Variants in DPP6 observed in about 807,000 individuals in gnomAD.
DPP6 encodes A-type potassium channel modulatory protein DPP6.
DPP6 carries 69 observed loss-of-function variants against 122.6 expected under a neutral mutation model. The observed-to-expected ratio is 0.56, with a 90% CI of 0.46 to 0.69. The LOEUF (loss-of-function observed/expected upper bound fraction) is 0.69, where lower values mean the gene tolerates loss of function less well. Ranked by LOEUF, DPP6 falls within the 30% of genes least tolerant of loss-of-function variation. The probability of loss-of-function intolerance (pLI) is 0.00; values close to 1 mark genes in which losing one functional copy is unlikely to be tolerated. For synonymous variants in DPP6, 418 were observed against 433.1 expected (o/e 0.97, Z 0.43); for missense variants, 928 against 1,116.9 (o/e 0.83, Z 2.41).
chr7:154,593,001 G>A (rs1228228873), intron 5 of DPP6, among the ~76,000 whole-genome samples: 2 of 152,114 alleles, frequency 1.3e-5, no homozygotes, highest in Non-Finnish European at 2.9e-5. Context: ...CCCAGGCTGC[G>A]GGCCGGAGCT....
intron 1 of DPP6, among the ~76,000 whole-genome samples, chr7:154,079,688 G>A (rs1363178779): frequency 2.6e-5 from 4 of 152,024 alleles, no homozygotes; most frequent in African/African-American, 9.7e-5. Context: ...ATTGGGCTGG[G>A]GTTAGGAGAC....
intron 1 of DPP6, among the ~76,000 whole-genome samples, chr7:154,313,381 T>C (rs914715666): frequency 3.3e-5 from 5 of 151,952 alleles, no homozygotes; most frequent in Non-Finnish European, 5.9e-5. Context: ...GATATGAAAG[T>C]GTTTTGAAAG....
chr7:153,787,824 T>C, the DPP6 span, among the ~76,000 whole-genome samples: 11 of 118,198 alleles, frequency 9.3e-5, no homozygotes, highest in East Asian at 3.0e-3. Flanking sequence ...ATTTTAATAG[T>C]GATTTACAAT....
intron 2 of DPP6, among the ~76,000 whole-genome samples, chr7:154,447,235 G>A (rs1586298642): frequency 6.6e-6 from 1 of 152,158 alleles, no homozygotes; most frequent in East Asian, 1.9e-4. Context: ...GAACCTGGGA[G>A]GCAGAGGTTG....
intron 4 of DPP6, among the ~76,000 whole-genome samples, chr7:154,561,914 C>G (rs11768135): frequency 0.1 from 15,735 of 152,070 alleles, 1,001 homozygotes; most frequent in Middle Eastern, 0.19. Flanking sequence ...ACCTGAATAC[C>G]TGGATATTGG....
intron 1 of DPP6, among the ~76,000 whole-genome samples, chr7:153,963,759 T>C (rs1795481635): frequency 6.6e-6 from 1 of 152,070 alleles, no homozygotes; most frequent in African/African-American, 2.4e-5. Context: ...GGTGGAACAG[T>C]TTCATCCCGA....
intron 1 of DPP6, among the ~76,000 whole-genome samples, chr7:154,081,246 C>G (rs979504825): frequency 8.6e-5 from 13 of 150,640 alleles, no homozygotes; most frequent in African/African-American, 3.2e-4. Context: ...GATGAGTGTG[C>G]TTGGTAGCAG....
At chr7:154,087,591 G>A (rs988688150) in intron 1 of DPP6, among the ~76,000 whole-genome samples, 1 of 152,208 alleles carries the variant, frequency 6.6e-6, no homozygotes. Context: ...GTGAGTGATT[G>A]TTCTTCTCTG....
intron 1 of DPP6, among the ~76,000 whole-genome samples, chr7:154,169,633 T>TAATTAACATTA: frequency 6.6e-6 from 1 of 152,240 alleles, no homozygotes; most frequent in African/African-American, 2.4e-5. Context: ...GCTTCATTAA[T>TAATTAACATTA]GTAAGCTAAT....
intron 1 of DPP6, among the ~76,000 whole-genome samples, chr7:154,409,390 C>T (rs1816402098): frequency 6.6e-6 from 1 of 152,164 alleles, no homozygotes; most frequent in Non-Finnish European, 1.5e-5. Flanking sequence ...CTGACACCTT[C>T]ATCTTGGACT....
intron 7 of DPP6, among the ~76,000 whole-genome samples, chr7:154,700,652 G>A (rs1431370759): frequency 6.6e-6 from 1 of 152,224 alleles, no homozygotes; most frequent in Non-Finnish European, 1.5e-5. Context: ...TTTTGCATGA[G>A]CATCAAAAAC....
chr7:154,872,282 A>G (rs1032871400), intron 18 of DPP6, among the ~76,000 whole-genome samples: 2 of 151,870 alleles, frequency 1.3e-5, no homozygotes, highest in African/African-American at 4.9e-5. Flanking sequence ...TTGTTGCCGC[A>G]GGCAGCCCTC....
chr7:153,874,404 C>A, the DPP6 span, among the ~76,000 whole-genome samples: 1 of 152,140 alleles, frequency 6.6e-6, no homozygotes, highest in Non-Finnish European at 1.5e-5. Context: ...GAGAGGGAGT[C>A]TTGCTCTGTG....
intron 1 of DPP6, among the ~76,000 whole-genome samples, chr7:154,336,157 C>T (rs1052162583): frequency 2.6e-5 from 4 of 152,246 alleles, no homozygotes; most frequent in Middle Eastern, 3.4e-3. Context: ...TGAAATGCAG[C>T]GTGGCACACA....
intron 6 of DPP6, among the ~76,000 whole-genome samples, chr7:154,668,641 T>A (rs1838352694): frequency 6.6e-6 from 1 of 152,110 alleles, no homozygotes; most frequent in South Asian, 2.1e-4. Flanking sequence ...TGAAAATGAA[T>A]CTTTTCTACA....
Position 154,764,238 on chromosome 7 carries a change from T to C in DPP6, c.884-5179T>C, listed in dbSNP as rs147292305. On this transcript the variant is annotated intron_variant, in intron 8 of 25. Coordinates refer to ENST00000377770, the MANE Select transcript of DPP6 (RefSeq NM_130797.4). Reference sequence around the variant, plus strand: ...TGTGAATGGAATTGACCACTCTCGCTCGGTGGATTTGCTAGAGGAGCTTCA... The same window carrying C: ...TGTGAATGGAATTGACCACTCTCGCCCGGTGGATTTGCTAGAGGAGCTTCA... Among the ~76,000 whole-genome samples the C allele has an allele frequency of 6.4e-3, 978 of 152,308 alleles. 5 individuals carry two copies. Among genetic ancestry groups the C allele is most frequent in the South Asian group, 0.017 (84 of 4,826 alleles).
chr7:154,745,797 G>A (rs890877419), intron 8 of DPP6, among the ~76,000 whole-genome samples: 2 of 152,116 alleles, frequency 1.3e-5, no homozygotes, highest in African/African-American at 4.8e-5. Flanking sequence ...GAAATCAAGC[G>A]AGAACTCACT....
intron 1 of DPP6, among the ~76,000 whole-genome samples, chr7:154,207,401 A>G (rs1178539436): frequency 6.6e-6 from 1 of 152,254 alleles, no homozygotes; most frequent in Non-Finnish European, 1.5e-5. Context: ...ATCTAGCATT[A>G]ACACCAAACA....
chr7:154,769,414 T>C lies in DPP6; in HGVS notation c.884-3T>C. The C allele has an allele frequency of 6.2e-7, 1 of 1,613,542 alleles. No individual in the cohort carries two copies. The highest frequency in any genetic ancestry group is 1.1e-5 in the South Asian group (1 of 91,032). On this transcript the variant is annotated splice_polypyrimidine_tract_variant and splice_region_variant and intron_variant, in intron 8 of 25. Transcript: ENST00000377770. ...CACATTTCTCTACTCTGTTTTCCCT[T>C]AGAGGAGATTTTGAAGACACACATC...
Sources: allele counts gnomAD v4.1 joint callset (sites outside exome capture counted in the v4.1 genomes callset), GRCh38; gene constraint gnomAD v4.1.1; transcripts MANE v1.5; gene names NCBI Gene and HGNC (gene_info 2026-07-23, HGNC 2026-07-21).